The following SESTD1 variants were observed in gnomAD, a reference collection of about 807,000 sequenced individuals.
The protein encoded by SESTD1 is SEC14 domain and spectrin repeat-containing protein 1.
In SESTD1, 43 loss-of-function variants were observed where a neutral mutation model predicts 101.7. The ratio of observed to expected loss-of-function variants is 0.42; its 90% CI spans 0.33 to 0.55. The LOEUF (loss-of-function observed/expected upper bound fraction) is 0.55, where lower values mean the gene tolerates loss of function less well. Among genes scored for constraint, SESTD1 ranks in the 20% least tolerant of loss-of-function variants. SESTD1 has a pLI of 0.07. For synonymous variants in SESTD1, 283 were observed against 286.8 expected (o/e 0.99, Z 0.13); for missense variants, 647 against 815.1 (o/e 0.79, Z 2.51).
chr2:179,172,524 T>G (rs1388084102), intron 4 of SESTD1, among the ~76,000 whole-genome samples: 1 of 152,208 alleles, frequency 6.6e-6, no homozygotes, highest in East Asian at 1.9e-4. Context: ...TAGCTTAAAC[T>G]GTAAGAGTTA....
chr2:179,189,005 A>G lies in SESTD1; in HGVS notation c.55+2782T>C, dbSNP rs1343605943. Among the ~76,000 whole-genome samples, 3 of 152,206 alleles carry G rather than the reference A, an allele frequency of 2.0e-5. No individual in the cohort carries two copies. The East Asian group carries it at 5.8e-4, about 29-fold the overall frequency. The stretch of plus-strand genomic sequence containing the variant: ...CAGCCAAATTCTACCAGACATACAG[A>G]GAAGAGCTAGTACCAATCCTACTGA... On this transcript the variant is annotated intron_variant, in intron 2 of 17. Transcript: ENST00000428443.
intron 9 of SESTD1, among the ~76,000 whole-genome samples, chr2:179,141,195 C>CA (rs2045268235): frequency 6.6e-6 from 1 of 152,186 alleles, no homozygotes; most frequent in South Asian, 2.1e-4. Flanking sequence ...AGTCTGAAAC[C>CA]AAACTCATGA....
chr2:179,128,282 T>C (rs546773699), intron 10 of SESTD1, among the ~76,000 whole-genome samples: 108 of 152,262 alleles, frequency 7.1e-4, no homozygotes, highest in Non-Finnish European at 1.3e-3. Flanking sequence ...GACTAGTATG[T>C]CTCAAGAAAT....
intron 1 of SESTD1, among the ~76,000 whole-genome samples, chr2:179,200,591 C>A (rs1011738943): frequency 7.9e-5 from 12 of 152,012 alleles, no homozygotes; most frequent in Admixed American, 3.3e-4. Context: ...TCAATGGAAC[C>A]GAATAGAGCT....
chr2:179,214,942 A>G (rs2046700484), intron 1 of SESTD1, among the ~76,000 whole-genome samples: 1 of 135,510 alleles, frequency 7.4e-6, no homozygotes, highest in Non-Finnish European at 1.6e-5. Context: ...GAAACCAATG[A>G]GAACAAAGAC....
chr2:179,254,569 T>A (rs1559164159), intron 1 of SESTD1, among the ~76,000 whole-genome samples: 2 of 152,208 alleles, frequency 1.3e-5, no homozygotes, highest in Non-Finnish European at 2.9e-5. Flanking sequence ...CTCATAACAA[T>A]AAACACTGCT....
chr2:179,141,430 CT>C (rs1241183543), intron 9 of SESTD1, among the ~76,000 whole-genome samples: 2 of 152,134 alleles, frequency 1.3e-5, no homozygotes, highest in Non-Finnish European at 1.5e-5. Context: ...ATGTAATTAT[CT>C]CCCATGAAGC....
rs930450556 is a variant in SESTD1, at chr2:179,211,607, T to C, written c.-25-19741A>G. Among the ~76,000 whole-genome samples the C allele has an allele frequency of 4.5e-5, 6 of 133,380 alleles. 1 individual carries two copies. The highest frequency in any genetic ancestry group is 1.8e-4 in the African/African-American group (6 of 33,524). The allele number at this position is 133,380 out of a possible 152,430, so 87.5% of individuals were successfully genotyped here. A position where few individuals can be genotyped will look rare whatever the true frequency, so the allele number is the denominator to read the frequency against. ...ACTAAACAAATGGTGCTGGGATAAT[T>C]GGCAAGAAACGTCACACACACATGC... On this transcript the variant is annotated intron_variant, in intron 1 of 17. Coordinates refer to ENST00000428443, the MANE Select transcript of SESTD1 (RefSeq NM_178123.5).
intron 9 of SESTD1, 33 bp from the exon 10 acceptor site, chr2:179,132,459 A>G: frequency 1.3e-6 from 2 of 1,538,848 alleles, no homozygotes; most frequent in Non-Finnish European, 1.7e-6. Flanking sequence ...CATTTTTTAA[A>G]GAATCAGAAA....
At position 179,228,829 on chromosome 2, in the gene SESTD1, T is replaced by C. The variant is rs569078798; in HGVS notation, c.-26+35670A>G. On this transcript the variant is annotated intron_variant, in intron 1 of 17. Coordinates refer to ENST00000428443, the MANE Select transcript of SESTD1 (RefSeq NM_178123.5). The stretch of plus-strand genomic sequence containing the variant: ...TGTAAAGTAGAAAACATAAACTCCA[T>C]TCTAGTGGAGATATTAATCAAGCTC... 5.9e-5 allele frequency among the ~76,000 whole-genome samples: 9 copies of C among 152,314 alleles called. No individual in the cohort carries two copies. The South Asian group carries it at 1.9e-3, about 32-fold the overall frequency.
chr2:179,118,649 G>A (rs2044686320), intron 13 of SESTD1, among the ~76,000 whole-genome samples: 1 of 152,136 alleles, frequency 6.6e-6, no homozygotes, highest in South Asian at 2.1e-4. Flanking sequence ...CTGAAGGGAA[G>A]TGATAATTAT....
chr2:179,260,570 T>C (rs1396036134), intron 1 of SESTD1, among the ~76,000 whole-genome samples: 3 of 152,062 alleles, frequency 2.0e-5, no homozygotes, highest in African/African-American at 4.8e-5. Context: ...GCCCCCACAG[T>C]TGTCAGATGA....
In SESTD1 at chr2:179,149,319, C is replaced by T. The variant is rs889347809; in HGVS notation, c.559G>A (p.Gly187Arg). ...LALINNGSDK[G>R]NQQEKERSVD... The stretch of plus-strand genomic sequence containing the variant: ...TACCTTTCTTTCTCTTGCTGATTTC[C>T]TTTATCACTTCCATTGTTAATCAAA... Residue 187 changes from glycine to arginine, a missense_variant, in exon 7 of 18, where the codon GGA becomes AGA. Coordinates refer to ENST00000428443, the MANE Select transcript of SESTD1 (RefSeq NM_178123.5). 4.3e-6 allele frequency: 7 copies of T among 1,610,468 alleles called. No homozygotes were observed. The highest frequency in any genetic ancestry group is 8.5e-7 in the Non-Finnish European group (1 of 1,179,050).
At chr2:179,244,155 T>C (rs2047195815) in intron 1 of SESTD1, among the ~76,000 whole-genome samples, 1 of 151,708 alleles carries the variant, frequency 6.6e-6, no homozygotes, top group Non-Finnish European at 1.5e-5. Flanking sequence ...AATTAATTAA[T>C]TTTTAAATAA....
chr2:179,160,641 TGAA>T (rs1163227645), intron 5 of SESTD1, among the ~76,000 whole-genome samples: 3 of 152,072 alleles, frequency 2.0e-5, no homozygotes, highest in South Asian at 2.1e-4. Context: ...CCATTGCCTG[TGAA>T]GAAGATGGAA....
chr2:179,169,130 A>C (rs1459903167), intron 5 of SESTD1, among the ~76,000 whole-genome samples: 1 of 152,192 alleles, frequency 6.6e-6, no homozygotes, highest in African/African-American at 2.4e-5. Context: ...ATTAAATATA[A>C]ATAGTCTTAC....
In SESTD1 at chr2:179,202,033, T is replaced by C. The variant is rs565524612; in HGVS notation, c.-25-10167A>G. Among the ~76,000 whole-genome samples the C allele has an allele frequency of 1.5e-5, 2 of 131,644 alleles. 1 individual carries two copies. Among genetic ancestry groups the C allele is most frequent in the South Asian group, 5.9e-4 (2 of 3,378 alleles). The allele number at this position is 131,644 out of a possible 152,430, so 86.4% of individuals were successfully genotyped here. A position where few individuals can be genotyped will look rare whatever the true frequency, so the allele number is the denominator to read the frequency against. On this transcript the variant is annotated intron_variant, in intron 1 of 17. Transcript: ENST00000428443. ...TAGTCTGTGTAAGTCATAAGAAGGT[T>C]TGTAAAGGGAAATTTAGGAAAGGAA...
intron 1 of SESTD1, among the ~76,000 whole-genome samples, chr2:179,193,780 G>T (rs929129248): frequency 3.9e-5 from 6 of 152,098 alleles, no homozygotes; most frequent in Non-Finnish European, 7.3e-5. Flanking sequence ...TAAAATAATG[G>T]ATAAATCTGA....
chr2:179,116,115 A>AAGAC (rs1163126915), intron 15 of SESTD1, among the ~76,000 whole-genome samples: 1 of 151,966 alleles, frequency 6.6e-6, no homozygotes. Context: ...CTCTACTAAA[A>AAGAC]AGACAAAAAC....
Sources: gnomAD v4.1 joint callset for allele counts (sites outside exome capture counted in the v4.1 genomes callset) on GRCh38, gnomAD v4.1.1 for gene constraint, MANE v1.5 for transcripts, NCBI Gene and HGNC (gene_info 2026-07-23, HGNC 2026-07-21) for gene names.